The following SEMA3C variants were observed in gnomAD, a reference collection of about 807,000 sequenced individuals.
The protein encoded by SEMA3C is semaphorin-3C.
SEMA3C carries 47 observed loss-of-function variants against 89.4 expected under a neutral mutation model. The ratio of observed to expected loss-of-function variants is 0.53; its 90% CI spans 0.42 to 0.67. The LOEUF is 0.67. SEMA3C is among the 30% of genes least tolerant of loss of function. The pLI, the probability that SEMA3C is intolerant of heterozygous loss-of-function variation, is 0.00. For missense variants in SEMA3C, 839 were observed against 929.1 expected, an observed-to-expected ratio of 0.90 and a Z score of 1.26; for synonymous variants, 310 against 320.2, an observed-to-expected ratio of 0.97 and a Z score of 0.34.
chr7:80,749,514 A>C (rs1327283022), intron 16 of SEMA3C, among the ~76,000 whole-genome samples: 1 of 152,166 alleles, frequency 6.6e-6, no homozygotes, highest in African/African-American at 2.4e-5. Flanking sequence ...AAGGGCAGAA[A>C]GTATTGTGGC....
chr7:80,919,570 G>GTTT (rs559043126), upstream of SEMA3C, among the ~76,000 whole-genome samples: 91 of 139,464 alleles, frequency 6.5e-4, no homozygotes, highest in Middle Eastern at 3.8e-3. Context: ...TTTTTTTTTT[G>GTTT]TTTTTTGTTT....
upstream of SEMA3C, chr7:80,919,120 C>G: frequency 1.0e-6 from 1 of 984,866 alleles, no homozygotes; most frequent in Non-Finnish European, 1.2e-6. Context: ...CGGCGCGCGG[C>G]TCCGGCTGCC....
At chr7:80,749,246 A>C (rs924914343) in intron 16 of SEMA3C, among the ~76,000 whole-genome samples, 2 of 152,210 alleles carry the variant, frequency 1.3e-5, no homozygotes, top group African/African-American at 4.8e-5. Context: ...CTGTGAATTA[A>C]GGCAATGTTG....
At chr7:80,896,637 A>G (rs1791744430) in intron 2 of SEMA3C, among the ~76,000 whole-genome samples, 1 of 152,132 alleles carries the variant, frequency 6.6e-6, no homozygotes, top group African/African-American at 2.4e-5. Context: ...GTTTAGCTCT[A>G]ATAGTTAACA....
At chr7:80,792,224 T>C (rs1788960552) in intron 11 of SEMA3C, among the ~76,000 whole-genome samples, 1 of 152,236 alleles carries the variant, frequency 6.6e-6, no homozygotes. Context: ...TCTAAGCTGA[T>C]GAACGTGTTC....
intron 3 of SEMA3C, 56 bp from the exon 4 acceptor site, chr7:80,827,543 A>C: frequency 5.1e-6 from 7 of 1,384,100 alleles, no homozygotes; most frequent in Non-Finnish European, 6.8e-6. Context: ...ATGACAGCCC[A>C]GTGCTCTTCA....
intron 4 of SEMA3C, among the ~76,000 whole-genome samples, chr7:80,822,351 CA>C (rs1789769707): frequency 7.4e-6 from 1 of 135,400 alleles, no homozygotes; most frequent in East Asian, 2.2e-4. Context: ...TTTTCACAGG[CA>C]AAAGCATAAG....
At chr7:80,824,669 G>C (rs1358986373) in intron 4 of SEMA3C, among the ~76,000 whole-genome samples, 1 of 152,160 alleles carries the variant, frequency 6.6e-6, no homozygotes, top group African/African-American at 2.4e-5. Flanking sequence ...TGGAGGGATA[G>C]CATGTTTTAG....
chr7:80,814,152 C>T (rs190788703), intron 5 of SEMA3C, among the ~76,000 whole-genome samples: 4 of 150,450 alleles, frequency 2.7e-5, no homozygotes, highest in Non-Finnish European at 4.4e-5. Flanking sequence ...TCAGTGGCCA[C>T]GATCTCAGCT....
intron 2 of SEMA3C, among the ~76,000 whole-genome samples, chr7:80,896,605 G>A (rs1384489802): frequency 6.6e-6 from 1 of 152,152 alleles, no homozygotes; most frequent in Middle Eastern, 3.2e-3. Context: ...ATGCTTAACT[G>A]GAACCTCAGG....
intron 2 of SEMA3C, among the ~76,000 whole-genome samples, chr7:80,863,777 T>TATATATAGTAGTATTCCATCTG (rs1289318973): frequency 1.1e-3 from 144 of 127,686 alleles, no homozygotes; most frequent in Non-Finnish European, 1.9e-3. Flanking sequence ...TATTCCATCA[T>TATATATAGTAGTATTCCATCTG]ATATATAGTA....
intron 12 of SEMA3C, among the ~76,000 whole-genome samples, chr7:80,779,592 T>A (rs950700419): frequency 3.9e-5 from 6 of 152,190 alleles, no homozygotes; most frequent in Admixed American, 2.0e-4. Flanking sequence ...TCTCATTTTC[T>A]TTTCTCTGTC....
chr7:80,920,872 T>C (rs1391815784), upstream of SEMA3C, among the ~76,000 whole-genome samples: 1 of 152,162 alleles, frequency 6.6e-6, no homozygotes, highest in African/African-American at 2.4e-5. Context: ...TCCACTATTA[T>C]CCTCCTTCTG....
chr7:80,745,433 T>A, intron 17 of SEMA3C, 126 bp from the exon 18 acceptor site: 2 of 885,734 alleles, frequency 2.3e-6, no homozygotes, highest in Non-Finnish European at 3.4e-6. Flanking sequence ...CTACTTAGCA[T>A]CCTTCTCAGT....
intron 2 of SEMA3C, among the ~76,000 whole-genome samples, chr7:80,866,519 A>G (rs1790930433): frequency 6.6e-6 from 1 of 152,164 alleles, no homozygotes; most frequent in African/African-American, 2.4e-5. Context: ...AAAAGAAGTA[A>G]TGTGTCACTT....
intron 12 of SEMA3C, 97 bp from the exon 13 acceptor site, chr7:80,765,340 T>C: frequency 1.2e-6 from 1 of 833,464 alleles, no homozygotes; most frequent in Admixed American, 2.4e-5. Context: ...TTTACATAAG[T>C]ATTTAGTAAT....
intron 2 of SEMA3C, among the ~76,000 whole-genome samples, chr7:80,866,311 T>C (rs1477220165): frequency 1.3e-5 from 2 of 152,122 alleles, no homozygotes; most frequent in Non-Finnish European, 2.9e-5. Context: ...TCTTCTATAA[T>C]ATTATGGTAA....
At position 80,836,544 on chromosome 7, in the gene SEMA3C, G is replaced by A. The variant is rs929655451; in HGVS notation, c.104-7799C>T. The stretch of plus-strand genomic sequence containing the variant: ...AATACAAAAATTAGCCGGGCATGGT[G>A]GCAGGCATCTGTAATCCCAGCTACT... On this transcript the variant is annotated intron_variant, in intron 2 of 17. Transcript: ENST00000265361. Among the ~76,000 whole-genome samples the A allele has an allele frequency of 3.9e-5, 6 of 152,226 alleles. No homozygotes were observed. The East Asian group carries it at 1.2e-3, about 30-fold the overall frequency.
Position 80,827,466 on chromosome 7 carries a change from T to C in SEMA3C, c.286A>G (p.Ile96Val), listed in dbSNP as rs753898221. Residue 96 changes from isoleucine to valine, a missense_variant, in exon 4 of 18, where the codon ATC (isoleucine) becomes GTC (valine). By Grantham distance (29) the Ile-to-Val change is conservative (BLOSUM62 3). Coordinates refer to ENST00000265361, the MANE Select transcript of SEMA3C (RefSeq NM_006379.5). Reference protein sequence around the residue: ...ALSVFWPASTIKVEECKMAGK... With the variant: ...ALSVFWPASTVKVEECKMAGK... ...GCCATTTTGCATTCTTCAACTTTGATTGTAGATGCTGGCCAGAAAACCTGC... is the reference window on the plus strand; with the variant it reads ...GCCATTTTGCATTCTTCAACTTTGACTGTAGATGCTGGCCAGAAAACCTGC... The C allele has an allele frequency of 2.9e-5, 46 of 1,602,994 alleles. No individual in the cohort carries two copies. Among genetic ancestry groups the C allele is most frequent in the Non-Finnish European group, 3.6e-5 (42 of 1,175,888 alleles).
Sources: allele counts gnomAD v4.1 joint callset (sites outside exome capture counted in the v4.1 genomes callset), GRCh38; gene constraint gnomAD v4.1.1; transcripts MANE v1.5; gene names NCBI Gene and HGNC (gene_info 2026-07-23, HGNC 2026-07-21).